Variants in SLC5A10 observed in about 807,000 individuals in gnomAD.
The protein encoded by SLC5A10 is solute carrier family 5 member 10.
In SLC5A10, 55 loss-of-function variants were observed where a neutral mutation model predicts 68.9. The observed-to-expected ratio is 0.80, with a 90% confidence interval of 0.64 to 1.00. SLC5A10 has a LOEUF of 1.00. Ranked by LOEUF, SLC5A10 falls within the 50% of genes least tolerant of loss-of-function variation. The pLI is 0.00. For missense variants in SLC5A10, 732 were observed against 819.3 expected, an observed-to-expected ratio of 0.89 and a Z score of 1.30; for synonymous variants, 344 against 344.8, an observed-to-expected ratio of 1.00 and a Z score of 0.02.
At chr17:18,951,112 C>T (rs2042362097), upstream of SLC5A10, among the ~76,000 whole-genome samples, 1 of 152,252 alleles carries the variant, frequency 6.6e-6, no homozygotes. Flanking sequence ...GCCGCTCACT[C>T]ATTAACACTT....
Position 18,968,612 on chromosome 17 carries a change from TC to T in SLC5A10, c.454-438del, listed in dbSNP as rs2042759686. 7.3e-6 allele frequency among the ~76,000 whole-genome samples: 1 copy of T among 136,408 alleles called. No homozygotes were observed. Among genetic ancestry groups the T allele is most frequent in the African/African-American group, 3.7e-5 (1 of 26,692 alleles). The allele number at this position is 136,408 out of a possible 152,430, so 89.5% of individuals were successfully genotyped here. ...GCAAGGCTGCCCCTCTGTTTCCTGG[TC>T]CGCCCAGCACACACTTTTCCTGAGG... On this transcript the variant is annotated intron_variant, in intron 5 of 14. Transcript: ENST00000395645. This position sits in a 1 kb window ranked among gnomAD's most constrained non-coding sequence, Gnocchi z 4.1.
At chr17:18,962,561 G>A (rs548191799) in intron 5 of SLC5A10, among the ~76,000 whole-genome samples, 3 of 152,298 alleles carry the variant, frequency 2.0e-5, no homozygotes, top group African/African-American at 7.2e-5. Context: ...AGTTTTCAGG[G>A]TCTGGCCTGC....
At chr17:18,962,696 T>C (rs2042635125) in intron 5 of SLC5A10, among the ~76,000 whole-genome samples, 2 of 151,804 alleles carry the variant, frequency 1.3e-5, no homozygotes, top group Non-Finnish European at 2.9e-5. Context: ...ATGGTCGTGT[T>C]TGTACTTTGT....
rs1174665679 is a variant in SLC5A10 at position 18,971,756 on chromosome 17, A to T, written c.846+538A>T. 1.3e-6 allele frequency: 2 copies of T among 1,548,090 alleles called. No homozygotes were observed. The highest frequency in any genetic ancestry group is 4.5e-5 in the East Asian group (2 of 44,170). ...ATGATGAAACTGCTGGCCCTGGGAGAGAGAGAGCAGAGAGTGAGGCTGAGC... is the reference window on the plus strand; with the variant it reads ...ATGATGAAACTGCTGGCCCTGGGAGTGAGAGAGCAGAGAGTGAGGCTGAGC... On this transcript the variant is annotated intron_variant, in intron 8 of 14. Coordinates refer to ENST00000395645, the MANE Select transcript of SLC5A10 (RefSeq NM_001042450.4). The surrounding 1 kb of genome is among the most constrained non-coding windows in gnomAD (Gnocchi z 5.5).
chr17:18,969,782 G>A (rs1407508388), intron 7 of SLC5A10: 2 of 252,220 alleles, frequency 7.9e-6, no homozygotes, highest in Admixed American at 5.2e-5. Flanking sequence ...AAAACTGCCT[G>A]GGCAGCTCCT....
intron 5 of SLC5A10, among the ~76,000 whole-genome samples, chr17:18,966,542 T>A (rs2042712029): frequency 1.3e-5 from 2 of 152,012 alleles, no homozygotes; most frequent in Admixed American, 6.6e-5. Context: ...GGTGGGTGGA[T>A]CACCTGAGGT....
chr17:18,993,928 A>G (rs2043496696), intron 9 of SLC5A10, among the ~76,000 whole-genome samples: 2 of 152,132 alleles, frequency 1.3e-5, no homozygotes, highest in African/African-American at 2.4e-5. Flanking sequence ...CTAGCAGGGG[A>G]TCCACAAACG....
At chr17:18,967,162 A>G (rs1316853158) in intron 5 of SLC5A10, among the ~76,000 whole-genome samples, 1 of 152,164 alleles carries the variant, frequency 6.6e-6, no homozygotes, top group East Asian at 1.9e-4. Context: ...GCTGCTCGGG[A>G]GTTGCAGGCA....
At chr17:19,006,852 A>G (rs1474519233) in intron 9 of SLC5A10, among the ~76,000 whole-genome samples, 3 of 152,180 alleles carry the variant, frequency 2.0e-5, no homozygotes, top group Non-Finnish European at 2.9e-5. Flanking sequence ...AGGTTGTTTC[A>G]TGGATCAATG....
chr17:18,983,277 G>A (rs1399704098), intron 9 of SLC5A10, among the ~76,000 whole-genome samples: 1 of 152,242 alleles, frequency 6.6e-6, no homozygotes, highest in South Asian at 2.1e-4. Flanking sequence ...ACAACCCCGT[G>A]AGGCATCACT....
intron 9 of SLC5A10, among the ~76,000 whole-genome samples, chr17:19,005,043 C>A (rs1163370950): frequency 1.3e-5 from 2 of 152,226 alleles, no homozygotes; most frequent in Non-Finnish European, 2.9e-5. Context: ...CCCTGTGCCC[C>A]CAGGGTCTGT....
rs1020981362 is a variant in SLC5A10, at chr17:19,003,147, G to A, written c.983-10263G>A. ...CCACCAGAGAGCTCATGGTGTGTGC[G>A]CGCCTTTACAGTGAATCAGAGCCAC... is the stretch of plus-strand genomic sequence containing the variant. On this transcript the variant is annotated intron_variant, in intron 9 of 14. Coordinates refer to ENST00000395645, the MANE Select transcript of SLC5A10 (RefSeq NM_001042450.4). This position sits in a 1 kb window ranked among gnomAD's most constrained non-coding sequence, Gnocchi z 4.5. Among the ~76,000 whole-genome samples the A allele has an allele frequency of 4.0e-5, 6 of 151,512 alleles. No homozygotes were observed. In the South Asian group the frequency reaches 6.3e-4, roughly 16 times the overall value.
rs767936992 is a variant in SLC5A10, at chr17:19,003,554, TC to T, written c.983-9855del. ...CTGGCTGATCATCTTCCGCACCACCTCTTTGATGTGGGCCTGCCCGTCTATG... is the reference window on the plus strand; with the variant it reads ...CTGGCTGATCATCTTCCGCACCACCTTTTGATGTGGGCCTGCCCGTCTATG... On this transcript the variant is annotated intron_variant, in intron 9 of 14. Transcript: ENST00000395645. The surrounding 1 kb of genome is among the most constrained non-coding windows in gnomAD (Gnocchi z 4.5). 6.4e-7 allele frequency: 1 copy of T among 1,560,408 alleles called. No individual in the cohort carries two copies. Among genetic ancestry groups the T allele is most frequent in the Admixed American group, 1.9e-5 (1 of 51,814 alleles).
At chr17:18,995,550 G>A (rs997816754) in intron 9 of SLC5A10, among the ~76,000 whole-genome samples, 18 of 152,160 alleles carry the variant, frequency 1.2e-4, no homozygotes, top group East Asian at 3.9e-4. Context: ...GGGAGTGAGC[G>A]AGAGACTAAA....
chr17:18,999,472 C>T (rs377383667), intron 9 of SLC5A10, among the ~76,000 whole-genome samples: 2 of 152,068 alleles, frequency 1.3e-5, no homozygotes, highest in East Asian at 3.9e-4. Flanking sequence ...GTTCTGTGAC[C>T]TCAGGCCAGT....
chr17:18,975,364 C>T (rs957721648), intron 8 of SLC5A10, among the ~76,000 whole-genome samples: 7 of 152,142 alleles, frequency 4.6e-5, no homozygotes, highest in South Asian at 2.1e-4. Flanking sequence ...GGGAGCCGTC[C>T]GTTAAACTAG....
At chr17:18,963,586 A>G (rs1436161728) in intron 5 of SLC5A10, among the ~76,000 whole-genome samples, 2 of 152,248 alleles carry the variant, frequency 1.3e-5, no homozygotes, top group African/African-American at 4.8e-5. Context: ...GCACGCGCCC[A>G]GGCGGTCCCC....
chr17:18,983,824 G>T (rs527516807), intron 9 of SLC5A10, among the ~76,000 whole-genome samples: 1 of 152,180 alleles, frequency 6.6e-6, no homozygotes, highest in Admixed American at 6.5e-5. Context: ...TAGGGGCAGG[G>T]CCAGCCTAGC....
upstream of SLC5A10, among the ~76,000 whole-genome samples, chr17:18,951,336 G>A (rs1306485054): frequency 3.3e-5 from 5 of 152,342 alleles, no homozygotes; most frequent in Non-Finnish European, 5.9e-5. Flanking sequence ...CCTACTCTGC[G>A]CCTTCAATGG....
Sources: gnomAD v4.1 joint callset for allele counts (sites outside exome capture counted in the v4.1 genomes callset) on GRCh38, gnomAD v4.1.1 for gene constraint, Gnocchi (gnomAD v3.1) non-coding constraint, MANE v1.5 for transcripts, NCBI Gene and HGNC (gene_info 2026-07-23, HGNC 2026-07-21) for gene names.